Variants in NCKAP5 observed in about 807,000 individuals in gnomAD.
The protein encoded by NCKAP5 is NCK associated protein 5.
Under a neutral mutation model 167.0 loss-of-function variants are expected in NCKAP5, and 92 were observed. That is an observed-to-expected ratio of 0.55 (90% CI 0.47 to 0.66). The LOEUF (loss-of-function observed/expected upper bound fraction) is 0.66. Ranked by LOEUF, NCKAP5 falls within the 30% of genes least tolerant of loss-of-function variation. NCKAP5 has a pLI of 0.00. For synonymous variants in NCKAP5, 891 were observed against 877.4 expected (o/e 1.02, Z -0.27); for missense variants, 2,378 against 2,315.0 (o/e 1.03, Z -0.56).
chr2:132,891,260 C>T (rs1017068706), intron 8 of NCKAP5, among the ~76,000 whole-genome samples: 1 of 152,142 alleles, frequency 6.6e-6, no homozygotes, highest in African/African-American at 2.4e-5. Flanking sequence ...GGGGGAGCCA[C>T]CCTCACATTT....
chr2:132,980,715 T>A (rs1483088420), intron 7 of NCKAP5, among the ~76,000 whole-genome samples: 1 of 152,162 alleles, frequency 6.6e-6, no homozygotes, highest in Non-Finnish European at 1.5e-5. Flanking sequence ...AAACACTTTA[T>A]TATTACTGTG....
intron 8 of NCKAP5, among the ~76,000 whole-genome samples, chr2:132,961,170 T>C (rs1305281642): frequency 6.6e-6 from 1 of 151,908 alleles, no homozygotes; most frequent in African/African-American, 2.4e-5. Flanking sequence ...CAAAATCAGT[T>C]CTCTATTTTC....
chr2:132,729,365 G>A (rs867052371), intron 17 of NCKAP5, among the ~76,000 whole-genome samples: 20 of 152,204 alleles, frequency 1.3e-4, no homozygotes, highest in Admixed American at 3.3e-4. Flanking sequence ...CGTAGTTTCC[G>A]AAGAGAGGAT....
intron 4 of NCKAP5, among the ~76,000 whole-genome samples, chr2:133,232,918 G>T (rs1158007469): frequency 1.3e-5 from 2 of 152,280 alleles, no homozygotes; most frequent in East Asian, 3.9e-4. Context: ...TAATCTGAGT[G>T]TATAGATGAA....
chr2:133,399,934 T>C (rs1190561077), intron 3 of NCKAP5, among the ~76,000 whole-genome samples: 7 of 152,152 alleles, frequency 4.6e-5, no homozygotes, highest in Admixed American at 4.6e-4. Context: ...TTGGCTCCTA[T>C]TAAATTGCTA....
chr2:133,193,659 T>G (rs1014600818), intron 5 of NCKAP5, among the ~76,000 whole-genome samples: 20 of 152,034 alleles, frequency 1.3e-4, no homozygotes, highest in Non-Finnish European at 7.4e-5. Context: ...CTCACCATCT[T>G]ATATGCCTGT....
At chr2:133,061,078 A>AAAC (rs71398583) in intron 6 of NCKAP5, among the ~76,000 whole-genome samples, 6 of 151,304 alleles carry the variant, frequency 4.0e-5, no homozygotes, top group African/African-American at 1.2e-4. Context: ...AAAAAAAACA[A>AAAC]AACAACAACA....
At chr2:132,920,773 A>ATATATATATG (rs1695341175) in intron 8 of NCKAP5, among the ~76,000 whole-genome samples, 2 of 3,842 alleles carry the variant, frequency 5.2e-4, no homozygotes, top group South Asian at 0.018. Flanking sequence ...ATATGTATGT[A>ATATATATATG]TATATATATA....
intron 12 of NCKAP5, among the ~76,000 whole-genome samples, 163 bp from the exon 13 acceptor site, chr2:132,790,368 T>C (rs1406552761): frequency 6.6e-6 from 1 of 152,120 alleles, no homozygotes; most frequent in Non-Finnish European, 1.5e-5. Flanking sequence ...GAAAATGTAC[T>C]CAGTACACCT....
intron 11 of NCKAP5, among the ~76,000 whole-genome samples, chr2:132,828,193 T>A (rs775041270): frequency 6.6e-6 from 1 of 152,226 alleles, no homozygotes; most frequent in East Asian, 1.9e-4. Flanking sequence ...GAAAATACAG[T>A]TCTATTGTTC....
chr2:133,026,572 T>C (rs542852924), intron 6 of NCKAP5, among the ~76,000 whole-genome samples: 2 of 152,286 alleles, frequency 1.3e-5, no homozygotes, highest in South Asian at 2.1e-4. Context: ...TAAAGACTTA[T>C]TGGGAGGAAA....
At chr2:132,988,086 A>C (rs1346892131) in intron 7 of NCKAP5, among the ~76,000 whole-genome samples, 2 of 152,170 alleles carry the variant, frequency 1.3e-5, no homozygotes, top group Non-Finnish European at 1.5e-5. Flanking sequence ...CAGGCCTTAT[A>C]GCATTGGGAA....
intron 6 of NCKAP5, among the ~76,000 whole-genome samples, chr2:132,994,810 ATAT>A (rs1403294101): frequency 6.6e-6 from 1 of 152,246 alleles, no homozygotes; most frequent in African/African-American, 2.4e-5. Context: ...GAGTGTACTT[ATAT>A]AAACCCAGAT....
intron 16 of NCKAP5, among the ~76,000 whole-genome samples, chr2:132,761,467 C>T (rs774742828): frequency 3.3e-5 from 5 of 152,214 alleles, no homozygotes; most frequent in Non-Finnish European, 7.3e-5. Context: ...TTCTCTTGCT[C>T]CTATGGATTC....
chr2:132,916,755 C>T (rs74562929), intron 8 of NCKAP5, among the ~76,000 whole-genome samples: 4,059 of 152,170 alleles, frequency 0.027, 161 homozygotes, highest in African/African-American at 0.091. Context: ...CCTTTGGAAT[C>T]ATCACTACAA....
At chr2:133,158,401 ACTTCAGT>A (rs1468452956) in intron 5 of NCKAP5, among the ~76,000 whole-genome samples, 1 of 152,192 alleles carries the variant, frequency 6.6e-6, no homozygotes, top group Admixed American at 6.5e-5. Context: ...AGCAATACAC[ACTTCAGT>A]CTTCAGAATG....
chr2:132,747,592 C>T (rs1574069236), intron 16 of NCKAP5, among the ~76,000 whole-genome samples: 1 of 111,340 alleles, frequency 9.0e-6, no homozygotes, highest in South Asian at 2.5e-4. Context: ...GCTGTGTGCC[C>T]CAGACACTCC....
At chr2:133,371,045 A>T (rs1685775359) in intron 3 of NCKAP5, among the ~76,000 whole-genome samples, 1 of 152,214 alleles carries the variant, frequency 6.6e-6, no homozygotes, top group African/African-American at 2.4e-5. Context: ...GTAAAACATA[A>T]ATCTTTGCTT....
intron 16 of NCKAP5, among the ~76,000 whole-genome samples, chr2:132,736,664 GT>G (rs1691550824): frequency 6.6e-6 from 1 of 152,020 alleles, no homozygotes; most frequent in African/African-American, 2.4e-5. Context: ...GCATGCACCT[GT>G]AGTCCCAGCT....
Sources: gnomAD v4.1 joint callset for allele counts (sites outside exome capture counted in the v4.1 genomes callset) on GRCh38, gnomAD v4.1.1 for gene constraint, MANE v1.5 for transcripts, NCBI Gene and HGNC (gene_info 2026-07-23, HGNC 2026-07-21) for gene names.